Variants in BICC1 observed in about 807,000 individuals in gnomAD.
BICC1 encodes protein bicaudal C homolog 1.
Under a neutral mutation model 111.0 loss-of-function variants are expected in BICC1, and 43 were observed. That is an observed-to-expected ratio of 0.39 (90% CI 0.30 to 0.50). The LOEUF is 0.50. Ranked by LOEUF, BICC1 falls within the 20% of genes least tolerant of loss-of-function variation. The pLI is 0.88. For missense variants in BICC1, 1,091 were observed against 1,203.2 expected, an observed-to-expected ratio of 0.91 and a Z score of 1.38; for synonymous variants, 467 against 434.4, an observed-to-expected ratio of 1.07 and a Z score of -0.93.
chr10:58,819,312 C>G (rs1377456979), intron 19 of BICC1, among the ~76,000 whole-genome samples: 1 of 152,090 alleles, frequency 6.6e-6, no homozygotes, highest in Admixed American at 6.6e-5. Flanking sequence ...TAAATGATGG[C>G]CTAAGGTTTT....
chr10:58,727,607 G>T (rs1419466102), intron 3 of BICC1, among the ~76,000 whole-genome samples: 1 of 151,950 alleles, frequency 6.6e-6, no homozygotes, highest in African/African-American at 2.4e-5. Context: ...AAAAGGTGGG[G>T]TGGGGTGGGG....
chr10:58,821,750 G>A (rs561423923), intron 20 of BICC1, among the ~76,000 whole-genome samples: 2 of 152,184 alleles, frequency 1.3e-5, no homozygotes, highest in South Asian at 4.1e-4. Context: ...AGATCATCTT[G>A]GTATAGTGGA....
intron 2 of BICC1, among the ~76,000 whole-genome samples, chr10:58,689,228 T>C (rs1466532441): frequency 1.3e-5 from 2 of 152,200 alleles, no homozygotes; most frequent in East Asian, 3.9e-4. Context: ...CAGGGCTACC[T>C]GTGCCTTTGT....
chr10:58,679,129 G>T (rs1253112438), intron 2 of BICC1, among the ~76,000 whole-genome samples: 1 of 152,250 alleles, frequency 6.6e-6, no homozygotes, highest in South Asian at 2.1e-4. Context: ...AAAAGAACTA[G>T]AGAAGCAAGA....
intron 2 of BICC1, among the ~76,000 whole-genome samples, chr10:58,701,321 CG>C: frequency 6.6e-6 from 1 of 152,186 alleles, no homozygotes; most frequent in East Asian, 1.9e-4. Flanking sequence ...GTGTAATTCA[CG>C]TAAAATTAGT....
chr10:58,583,897 G>A (rs999096244), intron 1 of BICC1, among the ~76,000 whole-genome samples: 22 of 151,984 alleles, frequency 1.4e-4, no homozygotes, highest in African/African-American at 5.1e-4. Flanking sequence ...CAACAGGATG[G>A]CCTTAAGTCA....
intron 1 of BICC1, 127 bp downstream of exon 1, chr10:58,513,460 C>G: frequency 1.1e-6 from 1 of 904,346 alleles, no homozygotes; most frequent in Admixed American, 3.5e-5. Flanking sequence ...AGGCCCGCTC[C>G]CCCGCGGAGC....
At chr10:58,800,149 A>G in intron 12 of BICC1, 45 bp from the exon 13 acceptor site, 1 of 1,463,122 alleles carries the variant, frequency 6.8e-7, no homozygotes, top group Non-Finnish European at 9.3e-7. Context: ...GACTCTCTGT[A>G]AAATTGTGAC....
chr10:58,631,620 T>C (rs772752825), intron 2 of BICC1, among the ~76,000 whole-genome samples: 1 of 152,212 alleles, frequency 6.6e-6, no homozygotes, highest in Non-Finnish European at 1.5e-5. Flanking sequence ...TGCTTCTCAA[T>C]GGGCAAAGTA....
At chr10:58,580,923 G>GA (rs1330676866) in intron 1 of BICC1, among the ~76,000 whole-genome samples, 5 of 152,068 alleles carry the variant, frequency 3.3e-5, no homozygotes, top group African/African-American at 4.8e-5. Flanking sequence ...AGTAAAAACA[G>GA]AAAAAATTAT....
chr10:58,528,600 A>G (rs1842605120), intron 1 of BICC1, among the ~76,000 whole-genome samples: 1 of 151,914 alleles, frequency 6.6e-6, no homozygotes, highest in Non-Finnish European at 1.5e-5. Flanking sequence ...TCACTGCACT[A>G]AAATTATCAT....
intron 2 of BICC1, among the ~76,000 whole-genome samples, chr10:58,682,647 G>GTGTC: frequency 6.6e-6 from 1 of 151,538 alleles, no homozygotes; most frequent in East Asian, 1.9e-4. Context: ...CATGTGTCAT[G>GTGTC]TGTCTGTTTC....
chr10:58,760,864 T>C (rs1358110707), intron 3 of BICC1, among the ~76,000 whole-genome samples: 1 of 152,162 alleles, frequency 6.6e-6, no homozygotes, highest in Admixed American at 6.5e-5. Context: ...CTTACTTTGC[T>C]TTGGTCTCAT....
intron 3 of BICC1, among the ~76,000 whole-genome samples, chr10:58,703,756 G>A (rs879572458): frequency 6.6e-6 from 1 of 152,152 alleles, no homozygotes; most frequent in African/African-American, 2.4e-5. Flanking sequence ...CTTGAACATA[G>A]ACTAAATCTT....
At chr10:58,645,623 G>C (rs1044980730) in intron 2 of BICC1, among the ~76,000 whole-genome samples, 1 of 152,110 alleles carries the variant, frequency 6.6e-6, no homozygotes, top group African/African-American at 2.4e-5. Context: ...TCGCAGTGTA[G>C]TAAACCCTAT....
chr10:58,813,386 C>T (rs1215098490), intron 17 of BICC1, among the ~76,000 whole-genome samples: 3 of 152,124 alleles, frequency 2.0e-5, no homozygotes, highest in Admixed American at 6.5e-5. Context: ...CTTCCAACCT[C>T]AGGCTCTATT....
intron 10 of BICC1, 23 bp downstream of exon 10, chr10:58,796,549 G>T: frequency 6.3e-7 from 1 of 1,586,190 alleles, no homozygotes; most frequent in South Asian, 1.1e-5. Flanking sequence ...TTATTACAGC[G>T]CGTCTCAGTC....
intron 1 of BICC1, among the ~76,000 whole-genome samples, chr10:58,525,481 A>G (rs1212050466): frequency 2.3e-5 from 3 of 129,816 alleles, no homozygotes; most frequent in South Asian, 2.6e-4. Context: ...CAAACACCGC[A>G]TGTTCTCACT....
chr10:58,772,618 CT>C (rs1842649166), intron 3 of BICC1, among the ~76,000 whole-genome samples: 1 of 152,140 alleles, frequency 6.6e-6, no homozygotes. Flanking sequence ...CAGGACTTAG[CT>C]TTCTTAGCCT....
Sources: gnomAD v4.1 joint callset for allele counts (sites outside exome capture counted in the v4.1 genomes callset) on GRCh38, gnomAD v4.1.1 for gene constraint, MANE v1.5 for transcripts, NCBI Gene and HGNC (gene_info 2026-07-23, HGNC 2026-07-21) for gene names.